The following PBX3 variants were observed in gnomAD, a reference collection of about 807,000 sequenced individuals.
The protein encoded by PBX3 is pre-B-cell leukemia transcription factor 3.
PBX3 carries 14 observed loss-of-function variants against 48.5 expected under a neutral mutation model. The observed-to-expected ratio is 0.29, with a 90% CI of 0.19 to 0.45. The LOEUF is 0.45. Ranked by LOEUF, PBX3 falls within the 20% of genes least tolerant of loss-of-function variation. The pLI, the probability that PBX3 is intolerant of heterozygous loss-of-function variation, is 1.00. For synonymous variants in PBX3, 210 were observed against 200.3 expected (o/e 1.05, Z -0.41); for missense variants, 386 against 546.7 (o/e 0.71, Z 2.93).
chr9:125,776,489 T>C (rs531138177), intron 2 of PBX3, among the ~76,000 whole-genome samples: 1 of 152,200 alleles, frequency 6.6e-6, no homozygotes, highest in Non-Finnish European at 1.5e-5. Context: ...AATATATTGG[T>C]CTATAGTTTT....
At chr9:125,867,464 A>T (rs909745988) in intron 2 of PBX3, among the ~76,000 whole-genome samples, 1 of 151,942 alleles carries the variant, frequency 6.6e-6, no homozygotes, top group Non-Finnish European at 1.5e-5. Context: ...ACATAGTGAA[A>T]CCCCATCTGT....
intron 2 of PBX3, among the ~76,000 whole-genome samples, chr9:125,842,249 A>G (rs529308619): frequency 6.6e-6 from 1 of 152,304 alleles, no homozygotes; most frequent in African/African-American, 2.4e-5. Context: ...ACTAAACATC[A>G]GTTCACTTGA....
intron 2 of PBX3, among the ~76,000 whole-genome samples, chr9:125,803,235 G>C (rs1261677274): frequency 6.6e-6 from 1 of 151,432 alleles, no homozygotes; most frequent in Middle Eastern, 3.4e-3. Context: ...TTATAGGCAC[G>C]GGCCACCATG....
intron 2 of PBX3, among the ~76,000 whole-genome samples, chr9:125,761,213 C>CTTTT (rs879668457): frequency 7.0e-6 from 1 of 143,688 alleles, no homozygotes; most frequent in Non-Finnish European, 1.5e-5. Context: ...TTTCTTTTTT[C>CTTTT]TTTTTTTTTT....
intron 2 of PBX3, among the ~76,000 whole-genome samples, chr9:125,869,107 T>G (rs1840056598): frequency 6.6e-6 from 1 of 152,196 alleles, no homozygotes; most frequent in Admixed American, 6.5e-5. Flanking sequence ...AGATTGAAAG[T>G]ATGTTGAACC....
At chr9:125,859,162 T>C (rs1270685802) in intron 2 of PBX3, among the ~76,000 whole-genome samples, 4 of 152,024 alleles carry the variant, frequency 2.6e-5, no homozygotes, top group Non-Finnish European at 4.4e-5. Context: ...TAAGAGAAAA[T>C]AGTTAGATTG....
At chr9:125,892,767 G>A (rs977177098) in intron 2 of PBX3, among the ~76,000 whole-genome samples, 1 of 152,154 alleles carries the variant, frequency 6.6e-6, no homozygotes. Context: ...ATGCTGTGAT[G>A]AAGTAAGCAT....
intron 6 of PBX3, among the ~76,000 whole-genome samples, chr9:125,961,768 T>C (rs1842436036): frequency 6.6e-6 from 1 of 152,198 alleles, no homozygotes; most frequent in Non-Finnish European, 1.5e-5. Context: ...AATGACTAAA[T>C]CCTGGAGATG....
At chr9:125,869,473 A>T (rs1840064866) in intron 2 of PBX3, among the ~76,000 whole-genome samples, 1 of 152,216 alleles carries the variant, frequency 6.6e-6, no homozygotes, top group East Asian at 1.9e-4. Flanking sequence ...GGAGTATTAT[A>T]ATGAAACTGC....
chr9:125,935,250 T>C (rs1045436062), intron 4 of PBX3, among the ~76,000 whole-genome samples: 6 of 152,244 alleles, frequency 3.9e-5, no homozygotes, highest in African/African-American at 1.4e-4. Context: ...AATAGTCTGC[T>C]TCATAGTCTG....
At chr9:125,765,373 C>T (rs1270948046) in intron 2 of PBX3, among the ~76,000 whole-genome samples, 1 of 152,088 alleles carries the variant, frequency 6.6e-6, no homozygotes, top group Admixed American at 6.6e-5. Context: ...TGGTCTTAAA[C>T]TCCTGAGCTC....
intron 5 of PBX3, among the ~76,000 whole-genome samples, chr9:125,938,451 A>G (rs1463294009): frequency 9.9e-5 from 15 of 152,212 alleles, no homozygotes. Context: ...TCCATAGACC[A>G]TTTAAAGTTA....
At chr9:125,911,018 A>G (rs987029821) in intron 2 of PBX3, among the ~76,000 whole-genome samples, 10 of 151,476 alleles carry the variant, frequency 6.6e-5, no homozygotes, top group Non-Finnish European at 1.2e-4. Context: ...TTCTTAGCCC[A>G]CTCTCTAGTC....
intron 2 of PBX3, among the ~76,000 whole-genome samples, chr9:125,892,286 A>G (rs1040453883): frequency 1.3e-5 from 2 of 152,140 alleles, no homozygotes; most frequent in Admixed American, 6.5e-5. Flanking sequence ...CTACCCATTC[A>G]GAACAGTTTG....
chr9:125,926,563 T>A (rs1841582217), intron 3 of PBX3, among the ~76,000 whole-genome samples: 1 of 151,990 alleles, frequency 6.6e-6, no homozygotes, highest in Non-Finnish European at 1.5e-5. Flanking sequence ...ATGCCTATAA[T>A]CCCAGCACTT....
chr9:125,966,698 C>T lies in PBX3; in HGVS notation c.*775C>T, dbSNP rs981281364. 1.3e-5 allele frequency: 2 copies of T among 152,670 alleles called. No individual in the cohort carries two copies. The highest frequency in any genetic ancestry group is 4.8e-5 in the African/African-American group (2 of 41,440). The allele number at this position is 152,670 out of a possible 1,614,324, so 9.5% of individuals were successfully genotyped here. On this transcript the variant is annotated 3_prime_UTR_variant, in exon 9 of 9. Coordinates refer to ENST00000373489, the MANE Select transcript of PBX3 (RefSeq NM_006195.6). Reference sequence around the variant, plus strand: ...CTCTGGGCATCTGCAAAAGGCCCTGCTCTCTGGAGTGTTGTATATAGTGTA... The same window carrying T: ...CTCTGGGCATCTGCAAAAGGCCCTGTTCTCTGGAGTGTTGTATATAGTGTA...
intron 2 of PBX3, among the ~76,000 whole-genome samples, chr9:125,805,202 G>A (rs1254178565): frequency 6.6e-6 from 1 of 152,082 alleles, no homozygotes; most frequent in African/African-American, 2.4e-5. Flanking sequence ...AGCATTCCAG[G>A]AAGAGGGACT....
chr9:125,763,075 T>C (rs1009152087), intron 2 of PBX3, among the ~76,000 whole-genome samples: 1 of 152,234 alleles, frequency 6.6e-6, no homozygotes, highest in Non-Finnish European at 1.5e-5. Context: ...TATTCCTGTG[T>C]ATATGCAGTC....
At chr9:125,883,600 C>CT (rs57927097) in intron 2 of PBX3, among the ~76,000 whole-genome samples, 3,563 of 144,492 alleles carry the variant, frequency 0.025, 43 homozygotes, top group South Asian at 0.051. Flanking sequence ...AATCTCTTGA[C>CT]TTTTTTTTTT....
Sources: allele counts gnomAD v4.1 joint callset (sites outside exome capture counted in the v4.1 genomes callset), GRCh38; gene constraint gnomAD v4.1.1; transcripts MANE v1.5; gene names NCBI Gene and HGNC (gene_info 2026-07-23, HGNC 2026-07-21).